Variants in ADGRL3 observed in about 807,000 individuals in gnomAD.
ADGRL3 encodes calcium-independent alpha-latrotoxin receptor 3.
ADGRL3 carries 62 observed loss-of-function variants against 153.5 expected under a neutral mutation model. That is an observed-to-expected ratio of 0.40 (90% CI 0.33 to 0.50). The LOEUF (loss-of-function observed/expected upper bound fraction) is 0.50, where lower values mean the gene tolerates loss of function less well. Among genes scored for constraint, ADGRL3 ranks in the 20% least tolerant of loss-of-function variants. The pLI is 0.47. For synonymous variants in ADGRL3, 710 were observed against 672.5 expected (o/e 1.06, Z -0.86); for missense variants, 1,641 against 1,859.4 (o/e 0.88, Z 2.16).
chr4:61,402,432 A>G (rs1578660300), intron 2 of ADGRL3, among the ~76,000 whole-genome samples: 1 of 152,102 alleles, frequency 6.6e-6, no homozygotes, highest in Non-Finnish European at 1.5e-5. Context: ...GGTAGGTTCA[A>G]TAAGTAGCAC....
chr4:61,634,176 A>G (rs181509035), intron 5 of ADGRL3, among the ~76,000 whole-genome samples: 1 of 152,336 alleles, frequency 6.6e-6, no homozygotes, highest in Admixed American at 6.5e-5. Flanking sequence ...TAACATAAAA[A>G]TAAAGTGGAC....
intron 21 of ADGRL3, among the ~76,000 whole-genome samples, chr4:62,003,654 T>G (rs1401775290): frequency 6.6e-6 from 1 of 152,194 alleles, no homozygotes; most frequent in Non-Finnish European, 1.5e-5. Context: ...GGAAATGCCC[T>G]GCTGCCTTTG....
In ADGRL3 at chr4:61,916,945, TC is replaced by T. The variant is rs1159740279; in HGVS notation, c.2112+4190del. 1.4e-4 allele frequency among the ~76,000 whole-genome samples: 22 copies of T among 151,952 alleles called. No homozygotes were observed. The East Asian group carries it at 2.5e-3, about 17-fold the overall frequency. On this transcript the variant is annotated intron_variant, in intron 13 of 26. Transcript: ENST00000683033. Reference sequence around the variant, plus strand: ...TCCAGCCTGGGCGACAGAGTGAGACTCCATCTCCAAAAAAAAATAAAAATAA... The same window carrying T: ...TCCAGCCTGGGCGACAGAGTGAGACTCATCTCCAAAAAAAAATAAAAATAA...
chr4:61,913,556 G>T lies in ADGRL3; in HGVS notation c.2112+799G>T, dbSNP rs866031647. Among the ~76,000 whole-genome samples, 8 of 152,242 alleles carry T rather than the reference G, an allele frequency of 5.3e-5. No homozygotes were observed. In the South Asian group the frequency reaches 1.0e-3, roughly 20 times the overall value. Reference sequence around the variant, plus strand: ...AGATACCCTCAAGAACCAAATTAATGGGTATGAGATTGGCAGTTTAAAAAC... The same window carrying T: ...AGATACCCTCAAGAACCAAATTAATTGGTATGAGATTGGCAGTTTAAAAAC... On this transcript the variant is annotated intron_variant, in intron 13 of 26. Coordinates refer to ENST00000683033, the MANE Select transcript of ADGRL3 (RefSeq NM_001387552.1).
At chr4:61,559,678 G>T (rs933346393) in intron 4 of ADGRL3, among the ~76,000 whole-genome samples, 1 of 151,974 alleles carries the variant, frequency 6.6e-6, no homozygotes, top group Non-Finnish European at 1.5e-5. Flanking sequence ...ATGAAAGTGT[G>T]ACTCAAAATG....
intron 2 of ADGRL3, among the ~76,000 whole-genome samples, chr4:61,421,654 A>T (rs955238903): frequency 6.6e-6 from 1 of 152,098 alleles, no homozygotes; most frequent in Non-Finnish European, 1.5e-5. Flanking sequence ...TTTTATGATT[A>T]AAATTATTTA....
chr4:61,673,346 T>C (rs2095070929), intron 5 of ADGRL3, among the ~76,000 whole-genome samples: 1 of 151,912 alleles, frequency 6.6e-6, no homozygotes, highest in Non-Finnish European at 1.5e-5. Flanking sequence ...ATGAATATGT[T>C]AATTAGCCTT....
At chr4:61,462,125 A>G (rs1207366576) in intron 2 of ADGRL3, among the ~76,000 whole-genome samples, 1 of 152,198 alleles carries the variant, frequency 6.6e-6, no homozygotes, top group Non-Finnish European at 1.5e-5. Flanking sequence ...CACTGAATGC[A>G]TAAATGGAGA....
intron 9 of ADGRL3, among the ~76,000 whole-genome samples, chr4:61,868,631 C>CT (rs978876248): frequency 2.0e-5 from 3 of 152,074 alleles, no homozygotes; most frequent in South Asian, 2.1e-4. Flanking sequence ...ACTTGCCTTT[C>CT]TTTTTTTTCT....
At chr4:61,876,818 A>C (rs1380752927) in intron 9 of ADGRL3, among the ~76,000 whole-genome samples, 1 of 151,772 alleles carries the variant, frequency 6.6e-6, no homozygotes, top group Non-Finnish European at 1.5e-5. Flanking sequence ...ATAACCATAA[A>C]AATGGACAAC....
At chr4:61,417,998 GGGA>G in intron 2 of ADGRL3, among the ~76,000 whole-genome samples, 1 of 152,218 alleles carries the variant, frequency 6.6e-6, no homozygotes, top group Non-Finnish European at 1.5e-5. Flanking sequence ...ACTGGACAAG[GGGA>G]GGAGAGGCTT....
intron 2 of ADGRL3, among the ~76,000 whole-genome samples, chr4:61,488,064 A>G (rs2098217022): frequency 2.0e-5 from 3 of 152,090 alleles, no homozygotes; most frequent in African/African-American, 7.2e-5. Context: ...CAAGAAAGTG[A>G]TCCTGTGTCG....
At chr4:61,741,299 C>T (rs772302602) in intron 8 of ADGRL3, among the ~76,000 whole-genome samples, 4 of 152,168 alleles carry the variant, frequency 2.6e-5, no homozygotes, top group Non-Finnish European at 4.4e-5. Flanking sequence ...CTTCACAGTT[C>T]CACTTGAGAT....
At chr4:61,286,453 T>C (rs1424035453) in intron 1 of ADGRL3, among the ~76,000 whole-genome samples, 2 of 151,664 alleles carry the variant, frequency 1.3e-5, no homozygotes, top group Non-Finnish European at 3.0e-5. Flanking sequence ...TTTATATTTC[T>C]TTGAGAGTAA....
intron 17 of ADGRL3, among the ~76,000 whole-genome samples, chr4:61,950,286 A>G (rs1455562447): frequency 6.6e-6 from 1 of 152,150 alleles, no homozygotes; most frequent in African/African-American, 2.4e-5. Context: ...ATAGTTAATA[A>G]GGTAGTGATA....
intron 5 of ADGRL3, among the ~76,000 whole-genome samples, chr4:61,655,453 C>A (rs2094417443): frequency 6.6e-6 from 1 of 151,882 alleles, no homozygotes; most frequent in South Asian, 2.1e-4. Flanking sequence ...GTAATGTTTT[C>A]TCATGCTTAC....
chr4:61,419,446 G>A lies in ADGRL3; in HGVS notation c.-174+36257G>A, dbSNP rs575090114. Reference sequence around the variant, plus strand: ...AGGGGGCAAGGTGGAAACCCACCCTGGACAGGATGTCCATCCATTGCAAGG... The same window carrying A: ...AGGGGGCAAGGTGGAAACCCACCCTAGACAGGATGTCCATCCATTGCAAGG... On this transcript the variant is annotated intron_variant, in intron 2 of 26. Transcript: ENST00000683033. Among the ~76,000 whole-genome samples, 16 of 148,948 alleles carry A rather than the reference G, an allele frequency of 1.1e-4. 3 individuals are homozygous for A. In the East Asian group the frequency reaches 3.4e-3, roughly 32 times the overall value.
At chr4:61,529,288 CA>C (rs1436973691) in intron 4 of ADGRL3, among the ~76,000 whole-genome samples, 1 of 152,114 alleles carries the variant, frequency 6.6e-6, no homozygotes, top group Non-Finnish European at 1.5e-5. Context: ...GTATATTTAA[CA>C]CATAAGTTTT....
chr4:61,380,494 A>G (rs2096654413), intron 1 of ADGRL3, among the ~76,000 whole-genome samples: 1 of 151,886 alleles, frequency 6.6e-6, no homozygotes, highest in Admixed American at 6.6e-5. Flanking sequence ...TTTTTATTTT[A>G]TTTTGCATTT....
Sources: allele counts gnomAD v4.1 joint callset (sites outside exome capture counted in the v4.1 genomes callset), GRCh38; gene constraint gnomAD v4.1.1; transcripts MANE v1.5; gene names NCBI Gene and HGNC (gene_info 2026-07-23, HGNC 2026-07-21).